SPG11: variants seen among roughly 807,000 people sequenced by gnomAD.
SPG11 encodes the protein spatacsin.
SPG11 carries 222 observed loss-of-function variants against 274.0 expected under a neutral mutation model. The ratio of observed to expected loss-of-function variants is 0.81; its 90% CI spans 0.73 to 0.91. The LOEUF is 0.91. SPG11 is among the 40% of genes least tolerant of loss of function. SPG11 has a pLI of 0.00. For missense variants in SPG11, 3,114 were observed against 2,872.7 expected, an observed-to-expected ratio of 1.08 and a Z score of -1.92; for synonymous variants, 1,144 against 1,039.7, an observed-to-expected ratio of 1.10 and a Z score of -1.93.
chr15:44,642,157 A>C (rs1025808685), intron 7 of SPG11, among the ~76,000 whole-genome samples: 6 of 151,660 alleles, frequency 4.0e-5, no homozygotes, highest in Non-Finnish European at 8.8e-5. Flanking sequence ...ACCTGAGGTC[A>C]GAGTTCGAGA....
intron 3 of SPG11, 33 bp downstream of exon 3, chr15:44,659,046 C>T (rs770285849): frequency 8.2e-6 from 13 of 1,591,102 alleles, no homozygotes; most frequent in Middle Eastern, 3.3e-4. Context: ...TTCTCCTCTA[C>T]GTATCAATCA....
At chr15:44,576,593 G>C (rs1490272218) in intron 30 of SPG11, among the ~76,000 whole-genome samples, 1 of 151,152 alleles carries the variant, frequency 6.6e-6, no homozygotes, top group Non-Finnish European at 1.5e-5. Context: ...AGCTTGCAGT[G>C]AGTGGAGATT....
chr15:44,607,451 G>A (rs1485360678), intron 19 of SPG11, among the ~76,000 whole-genome samples: 1 of 152,054 alleles, frequency 6.6e-6, no homozygotes, highest in Non-Finnish European at 1.5e-5. Flanking sequence ...CTGGCTAATT[G>A]TTATATTTTT....
At chr15:44,572,867 G>A (rs752652484) in intron 32 of SPG11, 47 bp from the exon 33 acceptor site, 1 of 1,605,636 alleles carries the variant, frequency 6.2e-7, no homozygotes. Context: ...TCTAAGAGAG[G>A]CCCACTCTGC....
In SPG11 at chr15:44,596,158, G is replaced by A; in HGVS notation, c.4359C>T (p.Asp1453=). The change falls in exon 25 of 40, where the codon GAC becomes GAT. Residue 1453 remains aspartate, a synonymous_variant. Transcript: ENST00000261866. ...CTTCAACCAGAAGCCAGTGCCAGGA[G>A]TCTGGCTCCTCTGAGCATTGGAGCA... ...EILLQCSEEP[D]SWHWLLVEAV... The A allele has an allele frequency of 6.2e-7, 1 of 1,614,180 alleles. No individual in the cohort carries two copies. The highest frequency in any genetic ancestry group is 2.2e-5 in the East Asian group (1 of 44,890).
intron 7 of SPG11, among the ~76,000 whole-genome samples, chr15:44,639,350 A>AAT (rs1354589730): frequency 2.6e-5 from 4 of 151,902 alleles, no homozygotes; most frequent in African/African-American, 9.7e-5. Context: ...TCTACTCAGG[A>AAT]ATAAGGCAAA....
chr15:44,605,967 T>G (rs1045282833), intron 20 of SPG11, 58 bp downstream of exon 20: 1 of 1,390,818 alleles, frequency 7.2e-7, no homozygotes, highest in African/African-American at 1.4e-5. Flanking sequence ...TTACATGTAT[T>G]AACTTCTGTA....
rs751929116 is a variant in SPG11, at chr15:44,570,655, G to C, written c.6347C>G (p.Thr2116Arg). 6.8e-6 allele frequency: 11 copies of C among 1,613,856 alleles called. No homozygotes were observed. The South Asian group carries it at 1.2e-4, about 18-fold the overall frequency. The change falls in exon 34 of 40, where the codon ACA (threonine) becomes AGA (arginine). Residue 2116 changes from threonine to arginine, a missense_variant. Transcript: ENST00000261866. ...ATGATGGGCCAGGATCAGGAGCTCTGTGGCTGGGAGGGTGGGCACTGGTAA... is the reference window on the plus strand; with the variant it reads ...ATGATGGGCCAGGATCAGGAGCTCTCTGGCTGGGAGGGTGGGCACTGGTAA... ...SVPHGELSCT[T>R]ELLILAHHCF...
intron 37 of SPG11, 36 bp from the exon 38 acceptor site, chr15:44,566,045 G>T: frequency 6.2e-7 from 1 of 1,612,600 alleles, no homozygotes; most frequent in African/African-American, 1.3e-5. Flanking sequence ...AGTAGAGAAA[G>T]ACCTAGTTGT....
chr15:44,575,236 A>G, intron 30 of SPG11, 195 bp from the exon 31 acceptor site: 1 of 632,064 alleles, frequency 1.6e-6, no homozygotes, highest in South Asian at 1.9e-5. Flanking sequence ...CCACCCTGGG[A>G]TACTTCAAAG....
At chr15:44,593,736 A>G (rs1394071139) in intron 26 of SPG11, among the ~76,000 whole-genome samples, 1 of 151,704 alleles carries the variant, frequency 6.6e-6, no homozygotes, top group Non-Finnish European at 1.5e-5. Flanking sequence ...AAATGAGAGC[A>G]ACATCACTTC....
At position 44,573,585 on chromosome 15, in the gene SPG11, T is replaced by A. The variant is rs770020504; in HGVS notation, c.6167A>T (p.Glu2056Val). 1.1e-5 allele frequency: 18 copies of A among 1,614,176 alleles called. No homozygotes were observed. The South Asian group carries it at 2.0e-4, about 18-fold the overall frequency. ...TGAAGTAAGCAGCTCCCGTGTCACCTCTTCTGCCACGAGTTCAGCCACAGT... is the reference window on the plus strand; with the variant it reads ...TGAAGTAAGCAGCTCCCGTGTCACCACTTCTGCCACGAGTTCAGCCACAGT... ...PDTVAELVAEEVTRELLTSSQ... is the reference protein window; with the variant it reads ...PDTVAELVAEVVTRELLTSSQ... The change falls in exon 32 of 40, where the codon GAG (glutamate) becomes GTG (valine). Residue 2056 changes from glutamate (E) to valine (V), a missense_variant. Glu to Val is a moderately radical substitution (Grantham distance 121, BLOSUM62 -2). Transcript: ENST00000261866.
chr15:44,650,580 C>T (rs2084740028), intron 6 of SPG11, among the ~76,000 whole-genome samples: 1 of 149,212 alleles, frequency 6.7e-6, no homozygotes, highest in African/African-American at 2.5e-5. Flanking sequence ...GAGCCAAGAT[C>T]GCACCACTGC....
chr15:44,584,412 G>A lies in SPG11; in HGVS notation c.5268C>T (p.Ala1756=), dbSNP rs1488363389. The change falls in exon 30 of 40, where the codon GCC becomes GCT. Residue 1756 remains alanine (A), a synonymous_variant. Transcript: ENST00000261866. ...CAGTTGGGTGCTCACATGCCACATG[G>A]GCCTGGGTTGAGAAAAAGGAAGAAG... ...KAASSFFSTQ[A]HVACEHPTGW... The A allele has an allele frequency of 1.2e-6, 2 of 1,614,148 alleles. No homozygotes were observed. Among genetic ancestry groups the A allele is most frequent in the Non-Finnish European group, 8.5e-7 (1 of 1,180,028 alleles).
At chr15:44,563,794 G>A (rs1423553164) in intron 39 of SPG11, among the ~76,000 whole-genome samples, 1 of 152,104 alleles carries the variant, frequency 6.6e-6, no homozygotes. Context: ...GCCCACCTTA[G>A]GATACTGTAT....
At chr15:44,572,878 C>T in intron 32 of SPG11, 58 bp from the exon 33 acceptor site, 1 of 1,594,036 alleles carries the variant, frequency 6.3e-7, no homozygotes, top group East Asian at 2.2e-5. Context: ...CCCACTCTGC[C>T]CAGGCTTAGG....
At chr15:44,655,420 G>T (rs755530769) in intron 4 of SPG11, among the ~76,000 whole-genome samples, 12 of 152,156 alleles carry the variant, frequency 7.9e-5, no homozygotes, top group Non-Finnish European at 1.8e-4. Flanking sequence ...TCATGACATT[G>T]TAAGAAAAAC....
intron 1 of SPG11, among the ~76,000 whole-genome samples, chr15:44,661,608 C>T (rs77712142): frequency 0.017 from 2,579 of 151,374 alleles, 34 homozygotes; most frequent in Non-Finnish European, 0.025. Context: ...TTAATATGTC[C>T]TTATTAGGTA....
Position 44,595,479 on chromosome 15 carries a change from A to T in SPG11, c.4435-20T>A. 6.2e-7 allele frequency: 1 copy of T among 1,612,408 alleles called. No individual in the cohort carries two copies. The highest frequency in any genetic ancestry group is 8.5e-7 in the Non-Finnish European group (1 of 1,178,580). ...GGCACCCTGCCACGGGATAAATAAA[A>T]TAACAACTAGGCCTGGATTACCTGG... On this transcript the variant is annotated intron_variant, in intron 25 of 39. Coordinates refer to ENST00000261866, the MANE Select transcript of SPG11 (RefSeq NM_025137.4).
Sources: allele counts gnomAD v4.1 joint callset (sites outside exome capture counted in the v4.1 genomes callset), GRCh38; gene constraint gnomAD v4.1.1; transcripts MANE v1.5; gene names NCBI Gene and HGNC (gene_info 2026-07-23, HGNC 2026-07-21).